The following DHX30 variants were observed in gnomAD, a reference collection of about 807,000 sequenced individuals.
DHX30 encodes the protein DExH-box helicase 30.
Under a neutral mutation model 116.9 loss-of-function variants are expected in DHX30, and 4 were observed. That is an observed-to-expected ratio of 0.03 (90% CI 0.02 to 0.08). The LOEUF (loss-of-function observed/expected upper bound fraction) is 0.08. Ranked by LOEUF, DHX30 falls within the 10% of genes least tolerant of loss-of-function variation. DHX30 has a pLI of 1.00. For missense variants in DHX30, 871 were observed against 1,595.1 expected, an observed-to-expected ratio of 0.55 and a Z score of 7.73; for synonymous variants, 697 against 651.7, an observed-to-expected ratio of 1.07 and a Z score of -1.06.
Position 47,841,750 on chromosome 3 carries a change from T to C in DHX30, c.789+13T>C. 2 of 1,614,174 alleles carry C rather than the reference T, an allele frequency of 1.2e-6. No homozygotes were observed. The highest frequency in any genetic ancestry group is 1.7e-6 in the Non-Finnish European group (2 of 1,180,008). On this transcript the variant is annotated intron_variant, in intron 8 of 21. Coordinates refer to ENST00000445061, the MANE Select transcript of DHX30 (RefSeq NM_138615.3). ...CTCCACAGCTAAGGTGAGTTGGGTC[T>C]CCTAGAAGTTTGTGTGGGGGCCGTT...
rs1280482309 is a variant in DHX30, at chr3:47,841,752, C to T, written c.789+15C>T. ...CCACAGCTAAGGTGAGTTGGGTCTC[C>T]TAGAAGTTTGTGTGGGGGCCGTTTA... is the stretch of plus-strand genomic sequence containing the variant. On this transcript the variant is annotated intron_variant, in intron 8 of 21. Transcript: ENST00000445061. The T allele has an allele frequency of 6.2e-7, 1 of 1,614,040 alleles. No homozygotes were observed.
Position 47,850,117 on chromosome 3 carries a change from C to T in DHX30, c.3582C>T (p.Asp1194=), listed in dbSNP as rs766254299. The change falls in exon 22 of 22, where the codon GAC becomes GAT. Residue 1194 remains aspartate (D), a synonymous_variant. Coordinates refer to ENST00000445061, the MANE Select transcript of DHX30 (RefSeq NM_138615.3). ...GSFDVRKTAD[D] ...TTGATGTGCGCAAGACAGCTGACGA[C>T]TGAGCCCTGCTTCTGCTGGGGCTGT... 15 of 1,585,558 alleles carry T rather than the reference C, an allele frequency of 9.5e-6. No individual in the cohort carries two copies. The South Asian group carries it at 1.7e-4, about 18-fold the overall frequency.
Position 47,848,621 on chromosome 3 carries a change from C to A in DHX30, c.2576-3C>A. 1.2e-6 allele frequency: 2 copies of A among 1,614,010 alleles called. No individual in the cohort carries two copies. The highest frequency in any genetic ancestry group is 1.7e-6 in the Non-Finnish European group (2 of 1,179,958). On this transcript the variant is annotated splice_polypyrimidine_tract_variant and splice_region_variant and intron_variant, in intron 16 of 21. Coordinates refer to ENST00000445061, the MANE Select transcript of DHX30 (RefSeq NM_138615.3). This position sits in a 1 kb window ranked among gnomAD's most constrained non-coding sequence, Gnocchi z 9.4. ...GGTGGTACTGACAGCTGAGCCGTTG[C>A]AGGGGTGCTGGACCAGCGGGAGTAC... is the stretch of plus-strand genomic sequence containing the variant.
At chr3:47,829,308 ATATATATTT>A (rs1394686554) in intron 6 of DHX30, among the ~76,000 whole-genome samples, 174 bp downstream of exon 6, 8 of 28,712 alleles carry the variant, frequency 2.8e-4, no homozygotes, top group African/African-American at 5.3e-4. Context: ...ATATATATAT[ATATATATTT>A]TTTTTTTTTT....
Position 47,840,862 on chromosome 3 carries a change from C to T in DHX30, c.367-15C>T, listed in dbSNP as rs766664776. 7 of 1,613,876 alleles carry T rather than the reference C, an allele frequency of 4.3e-6. No individual in the cohort carries two copies. Among genetic ancestry groups the T allele is most frequent in the South Asian group, 2.2e-5 (2 of 91,076 alleles). On this transcript the variant is annotated splice_polypyrimidine_tract_variant and intron_variant, in intron 6 of 21. Transcript: ENST00000445061. ...AGATGGTATCAATCCTTAAAACGTC[C>T]CTTTTCCCCTCCAGGGTTGGGGTCT...
intron 6 of DHX30, among the ~76,000 whole-genome samples, 169 bp downstream of exon 6, chr3:47,829,303 T>TAC (rs1285847439): frequency 4.8e-5 from 2 of 41,416 alleles, no homozygotes; most frequent in Non-Finnish European, 1.1e-4. Flanking sequence ...TATATATATA[T>TAC]ATATATATAT....
At chr3:47,842,771 G>A (rs1213115153) in intron 8 of DHX30, 2 of 220,752 alleles carry the variant, frequency 9.1e-6, no homozygotes, top group Non-Finnish European at 1.8e-5. Flanking sequence ...CGCAGGATGT[G>A]CCTGGTTTTT....
In DHX30 at chr3:47,846,466, C is replaced by T; in HGVS notation, c.1394C>T (p.Thr465Met). The stretch of plus-strand genomic sequence containing the variant: ...GGGGACACGGGCTGTGGGAAGACCA[C>T]GCGCATCCCCCAGCTGTTGCTGGAG... The part of the protein sequence containing the change: ...ISGDTGCGKT[T>M]RIPQLLLERY... Residue 465 changes from threonine (T) to methionine (M), a missense_variant, in exon 11 of 22, where the codon ACG becomes ATG. Physicochemically the swap from Thr to Met is moderately conservative, Grantham distance 81. This residue lies in a region of DHX30 where 63 missense variants were observed against 180.6 expected (regional missense o/e 0.35). Transcript: ENST00000445061. 1 of 1,614,088 alleles carries T rather than the reference C, an allele frequency of 6.2e-7. No homozygotes were observed. Among genetic ancestry groups the T allele is most frequent in the Non-Finnish European group, 8.5e-7 (1 of 1,180,046 alleles).
At chr3:47,840,790 CAACTT>C (rs754626756) in intron 6 of DHX30, 82 bp from the exon 7 acceptor site, 20 of 1,550,354 alleles carry the variant, frequency 1.3e-5, no homozygotes, top group South Asian at 1.0e-4. Flanking sequence ...CTGCACAACA[CAACTT>C]AACGGTGTAG....
At position 47,847,159 on chromosome 3, in the gene DHX30, G is replaced by C. The variant is rs774285002; in HGVS notation, c.1930-114G>C. 2 of 1,493,098 alleles carry C rather than the reference G, an allele frequency of 1.3e-6. No homozygotes were observed. Among genetic ancestry groups the C allele is most frequent in the Non-Finnish European group, 1.9e-6 (2 of 1,077,454 alleles). The allele number at this position is 1,493,098 out of a possible 1,614,324, so 92.5% of individuals were successfully genotyped here. A position where few individuals can be genotyped will look rare whatever the true frequency, so the allele number is the denominator to read the frequency against. On this transcript the variant is annotated intron_variant, in intron 11 of 21. Coordinates refer to ENST00000445061, the MANE Select transcript of DHX30 (RefSeq NM_138615.3). The surrounding 1 kb of genome is among the most constrained non-coding windows in gnomAD (Gnocchi z 5.5). ...GACTAACCCTGCCTGCGTGGCACAC[G>C]TGAGGATTGGAGTTGATGTCAAGCG...
At chr3:47,814,802 G>A (rs2035975108) in intron 3 of DHX30, among the ~76,000 whole-genome samples, 1 of 152,120 alleles carries the variant, frequency 6.6e-6, no homozygotes, top group Non-Finnish European at 1.5e-5. Context: ...TTACAGGTGT[G>A]AACCACCACG....
intron 3 of DHX30, 124 bp downstream of exon 3, chr3:47,810,835 G>T (rs1324032407): frequency 2.2e-5 from 22 of 1,008,256 alleles, no homozygotes; most frequent in Non-Finnish European, 3.4e-5. Flanking sequence ...TTTTCCAAAG[G>T]CCTTTCCTAT....
intron 3 of DHX30, among the ~76,000 whole-genome samples, chr3:47,812,578 A>C (rs2035849479): frequency 6.6e-6 from 1 of 151,608 alleles, no homozygotes; most frequent in East Asian, 1.9e-4. Context: ...AAAAGATTTC[A>C]TGAGAATTTA....
At chr3:47,839,383 C>A (rs139865409) in intron 6 of DHX30, among the ~76,000 whole-genome samples, 1 of 150,548 alleles carries the variant, frequency 6.6e-6, no homozygotes, top group Non-Finnish European at 1.5e-5. Flanking sequence ...CAACCTCTGC[C>A]TCCCAGGTTC....
intron 6 of DHX30, among the ~76,000 whole-genome samples, chr3:47,838,351 TAAGAG>T (rs2037217153): frequency 2.0e-5 from 3 of 152,242 alleles, no homozygotes; most frequent in Admixed American, 2.0e-4. Context: ...TGGATTAATT[TAAGAG>T]GTTTTTGTCT....
intron 4 of DHX30, among the ~76,000 whole-genome samples, chr3:47,826,748 A>G (rs1399004865): frequency 6.6e-6 from 1 of 152,186 alleles, no homozygotes; most frequent in Non-Finnish European, 1.5e-5. Context: ...CACCACGCCC[A>G]GCCAGATGTA....
At chr3:47,809,818 T>C (rs1256644039) in intron 2 of DHX30, among the ~76,000 whole-genome samples, 1 of 152,200 alleles carries the variant, frequency 6.6e-6, no homozygotes, top group Non-Finnish European at 1.5e-5. Flanking sequence ...TCTGATTGGC[T>C]AAACACTGTG....
intron 2 of DHX30, among the ~76,000 whole-genome samples, chr3:47,806,886 C>T (rs2035552822): frequency 6.6e-6 from 1 of 151,992 alleles, no homozygotes; most frequent in Non-Finnish European, 1.5e-5. Flanking sequence ...AGCCACCAAG[C>T]CTGGCCCACT....
In DHX30 at chr3:47,848,200, G is replaced by A; in HGVS notation, c.2307G>A (p.Val769=). Residue 769 remains valine, a synonymous_variant, in exon 15 of 22, where the codon GTG becomes GTA. Coordinates refer to ENST00000445061, the MANE Select transcript of DHX30 (RefSeq NM_138615.3). The surrounding 1 kb of genome is among the most constrained non-coding windows in gnomAD (Gnocchi z 9.4). ...LKTKVSCLET[V]WVSRANVIQR... ...TCCAGGTGTCCTGCCTGGAGACAGT[G>A]TGGGTATCAAGAGCCAATGTGATCC... The A allele has an allele frequency of 6.2e-7, 1 of 1,613,744 alleles. No individual in the cohort carries two copies. Among genetic ancestry groups the A allele is most frequent in the Non-Finnish European group, 8.5e-7 (1 of 1,180,036 alleles).
Sources: gnomAD v4.1 joint callset for allele counts (sites outside exome capture counted in the v4.1 genomes callset) on GRCh38, gnomAD v4.1.1 for gene constraint, gnomAD v4.1.1 regional missense constraint, Gnocchi (gnomAD v3.1) non-coding constraint, MANE v1.5 for transcripts, NCBI Gene and HGNC (gene_info 2026-07-23, HGNC 2026-07-21) for gene names.